The following DPP10 variants were observed in gnomAD, a reference collection of about 807,000 sequenced individuals.
DPP10 encodes the protein inactive dipeptidyl peptidase 10.
DPP10 carries 33 observed loss-of-function variants against 120.9 expected under a neutral mutation model. That is an observed-to-expected ratio of 0.27 (90% confidence interval 0.21 to 0.37). The LOEUF (loss-of-function observed/expected upper bound fraction) is 0.37. Among genes scored for constraint, DPP10 ranks in the 10% least tolerant of loss-of-function variants. The pLI is 1.00. For synonymous variants in DPP10, 337 were observed against 326.1 expected (o/e 1.03, Z -0.36); for missense variants, 816 against 942.8 (o/e 0.87, Z 1.76).
At chr2:114,923,190 CTT>C (rs879644489) in intron 1 of DPP10, among the ~76,000 whole-genome samples, 3 of 137,486 alleles carry the variant, frequency 2.2e-5, no homozygotes. Flanking sequence ...TTTCTTTTTT[CTT>C]TTTTTTTTTT....
At chr2:115,707,851 T>G (rs937778057) in intron 7 of DPP10, among the ~76,000 whole-genome samples, 2 of 151,830 alleles carry the variant, frequency 1.3e-5, no homozygotes, top group African/African-American at 4.8e-5. Context: ...AACAAAAATA[T>G]CTATATATTA....
chr2:115,762,120 AAAG>A (rs2149790345), intron 11 of DPP10, among the ~76,000 whole-genome samples: 1 of 152,278 alleles, frequency 6.6e-6, no homozygotes, highest in African/African-American at 2.4e-5. Context: ...GATAAGAAAA[AAAG>A]AAGGCCATGA....
intron 1 of DPP10, among the ~76,000 whole-genome samples, chr2:114,881,368 A>T (rs1183488919): frequency 6.6e-6 from 1 of 152,056 alleles, no homozygotes; most frequent in Non-Finnish European, 1.5e-5. Context: ...GTTGTAACTG[A>T]TTACATTGAA....
In DPP10 at chr2:114,857,247, CCTTTA is replaced by C. The variant is rs1403107434; in HGVS notation, c.60+414417_60+414421del. Reference sequence around the variant, plus strand: ...TATAAACTATATAAAACCATAACATCCTTTACTTTACTGTAGTATAGAAAAACAAA... The same window carrying C: ...TATAAACTATATAAAACCATAACATCCTTTACTGTAGTATAGAAAAACAAA... On this transcript the variant is annotated intron_variant, in intron 1 of 25. Coordinates refer to ENST00000410059, the MANE Select transcript of DPP10 (RefSeq NM_020868.6). 2.0e-5 allele frequency among the ~76,000 whole-genome samples: 3 copies of C among 152,188 alleles called. No individual in the cohort carries two copies. In the East Asian group the frequency reaches 5.8e-4, roughly 29 times the overall value.
intron 1 of DPP10, among the ~76,000 whole-genome samples, chr2:115,264,992 C>A (rs1242214628): frequency 1.3e-5 from 2 of 151,668 alleles, no homozygotes; most frequent in African/African-American, 4.9e-5. Flanking sequence ...AAATATAAGC[C>A]CCTCTTTTCA....
rs556654108 is a variant in DPP10, at chr2:114,634,388, G to A, written c.60+191550G>A. 6.6e-5 allele frequency among the ~76,000 whole-genome samples: 10 copies of A among 151,400 alleles called. No homozygotes were observed. The East Asian group carries it at 1.6e-3, about 24-fold the overall frequency. The stretch of plus-strand genomic sequence containing the variant: ...CATTTTTTTAAGTTTTTTTTTATTT[G>A]TCTTTTCCTATTACCCTATCATTAA... On this transcript the variant is annotated intron_variant, in intron 1 of 25. Transcript: ENST00000410059.
intron 1 of DPP10, among the ~76,000 whole-genome samples, chr2:114,585,385 C>A (rs1690871169): frequency 6.6e-6 from 1 of 152,156 alleles, no homozygotes; most frequent in Non-Finnish European, 1.5e-5. Context: ...TCTGTGATTG[C>A]CAGATTCAGA....
chr2:115,316,083 G>T (rs972236706), intron 2 of DPP10, among the ~76,000 whole-genome samples: 5 of 152,124 alleles, frequency 3.3e-5, no homozygotes, highest in Non-Finnish European at 7.4e-5. Flanking sequence ...AGTCAGAAGA[G>T]AACCTATAAA....
Position 115,529,162 on chromosome 2 carries a change from AT to A in DPP10, c.441+3202del, listed in dbSNP as rs551226170. Among the ~76,000 whole-genome samples, 416 of 147,174 alleles carry A rather than the reference AT, an allele frequency of 2.8e-3. 2 individuals are homozygous for A. The highest frequency in any genetic ancestry group is 9.8e-3 in the South Asian group (46 of 4,688). ...TTTAAAAAGTCCTAAAATAAGGCAA[AT>A]TTTTTTTTTTTCCGGTGGGAGGGAG... On this transcript the variant is annotated intron_variant, in intron 5 of 25. Coordinates refer to ENST00000410059, the MANE Select transcript of DPP10 (RefSeq NM_020868.6).
At chr2:114,726,233 C>CT (rs1395809898) in intron 1 of DPP10, among the ~76,000 whole-genome samples, 3 of 122,680 alleles carry the variant, frequency 2.4e-5, no homozygotes, top group East Asian at 2.2e-4. Context: ...GAGACTACGT[C>CT]TAAAAAAAAA....
chr2:115,514,567 G>A (rs1304159934), intron 4 of DPP10, among the ~76,000 whole-genome samples: 2 of 151,682 alleles, frequency 1.3e-5, no homozygotes, highest in Admixed American at 6.6e-5. Context: ...AACATATATT[G>A]TAAAATATAA....
chr2:115,133,231 T>C (rs1573734110), intron 1 of DPP10, among the ~76,000 whole-genome samples: 1 of 139,558 alleles, frequency 7.2e-6, no homozygotes, highest in African/African-American at 2.7e-5. Context: ...CAGGCTGGAG[T>C]GCAGTGGTGA....
chr2:115,800,255 G>A (rs374942697), intron 19 of DPP10, among the ~76,000 whole-genome samples: 88 of 151,524 alleles, frequency 5.8e-4, no homozygotes, highest in Non-Finnish European at 1.0e-3. Context: ...GTCTGTTCAT[G>A]TCCTTCGCCC....
intron 1 of DPP10, among the ~76,000 whole-genome samples, chr2:115,104,948 G>A (rs2048875501): frequency 2.0e-5 from 3 of 151,856 alleles, no homozygotes; most frequent in Non-Finnish European, 2.9e-5. Flanking sequence ...AGAGGTTGCA[G>A]TGAGCCAAGA....
At chr2:115,203,100 ATGAATAAGGAAGG>A (rs1214689400) in intron 1 of DPP10, among the ~76,000 whole-genome samples, 1 of 152,214 alleles carries the variant, frequency 6.6e-6, no homozygotes, top group Non-Finnish European at 1.5e-5. Context: ...CAAGGAAGAG[ATGAATAAGGAAGG>A]TGTAGAAGGT....
chr2:115,099,840 G>T (rs969244584), intron 1 of DPP10, among the ~76,000 whole-genome samples: 34 of 152,114 alleles, frequency 2.2e-4, no homozygotes, highest in African/African-American at 8.0e-4. Flanking sequence ...AGTGTTGTAG[G>T]GTGTGACAGA....
intron 5 of DPP10, among the ~76,000 whole-genome samples, chr2:115,635,369 A>G (rs1219381349): frequency 6.6e-6 from 1 of 152,112 alleles, no homozygotes; most frequent in Non-Finnish European, 1.5e-5. Flanking sequence ...GGTTGCACAG[A>G]TCTGTGGAAA....
chr2:114,896,392 G>C (rs888946881), intron 1 of DPP10, among the ~76,000 whole-genome samples: 2 of 151,760 alleles, frequency 1.3e-5, no homozygotes, highest in African/African-American at 4.8e-5. Context: ...CATTTTTTTC[G>C]TATCCTCTTT....
intron 5 of DPP10, among the ~76,000 whole-genome samples, chr2:115,630,886 A>G (rs921716798): frequency 6.6e-6 from 1 of 151,992 alleles, no homozygotes; most frequent in Non-Finnish European, 1.5e-5. Context: ...TATCTCTGCC[A>G]GGTTTTGGTA....
Sources: allele counts gnomAD v4.1 joint callset (sites outside exome capture counted in the v4.1 genomes callset), GRCh38; gene constraint gnomAD v4.1.1; transcripts MANE v1.5; gene names NCBI Gene and HGNC (gene_info 2026-07-23, HGNC 2026-07-21).